SLC38A8: variants seen among roughly 807,000 people sequenced by gnomAD.
SLC38A8 encodes amino acid transporter SLC38A8.
A neutral mutation model predicts 46.0 loss-of-function variants in SLC38A8; 65 were observed. The observed-to-expected ratio is 1.41, with a 90% CI of 1.16 to 1.74. The LOEUF (loss-of-function observed/expected upper bound fraction) is 1.74, where lower values mean the gene tolerates loss of function less well. SLC38A8 is among the 40% of genes most tolerant of loss of function. The probability of loss-of-function intolerance (pLI) is 0.00; values close to 1 mark genes in which losing one functional copy is unlikely to be tolerated. For missense variants in SLC38A8, 998 were observed against 567.9 expected, an observed-to-expected ratio of 1.76 and a Z score of -7.70; for synonymous variants, 447 against 243.7, an observed-to-expected ratio of 1.83 and a Z score of -7.77.
In SLC38A8 at chr16:84,009,858, C is replaced by T. The variant is rs587777256; in HGVS notation, c.1234G>A (p.Gly412Arg). The T allele has an allele frequency of 2.5e-6, 4 of 1,613,868 alleles. No homozygotes were observed. Among genetic ancestry groups the T allele is most frequent in the Non-Finnish European group, 3.4e-6 (4 of 1,179,986 alleles). ...PRVKCCLEVWGVVSVLVGTFI... is the reference protein window; with the variant it reads ...PRVKCCLEVWRVVSVLVGTFI... ...GTGCCGACCAGCACAGAGACCACTC[C>T]CCAGACCTCCAGGCAGCACCTGCCA... The change falls in exon 11 of 11, where the codon GGA becomes AGA. Residue 412 changes from glycine to arginine, a missense_variant. Gly to Arg is a moderately radical substitution (Grantham distance 125). Transcript: ENST00000299709.
intron 5 of SLC38A8, 56 bp downstream of exon 5, chr16:84,031,811 A>G (rs1394175401): frequency 4.8e-6 from 7 of 1,455,636 alleles, no homozygotes; most frequent in African/African-American, 1.4e-5. Flanking sequence ...CCCCTCACAG[A>G]CTCCCCTGCC....
chr16:84,021,814 G>A (rs898918913), intron 7 of SLC38A8, among the ~76,000 whole-genome samples: 2 of 152,234 alleles, frequency 1.3e-5, no homozygotes, highest in Non-Finnish European at 2.9e-5. Flanking sequence ...TATGGAGATT[G>A]AGAAGTCCAG....
intron 9 of SLC38A8, among the ~76,000 whole-genome samples, chr16:84,014,762 A>C (rs2085005062): frequency 6.6e-6 from 1 of 152,228 alleles, no homozygotes; most frequent in Admixed American, 6.5e-5. Context: ...ACTACATCAA[A>C]GACAACCCCT....
rs756822665 is a variant in SLC38A8 at position 84,016,556 on chromosome 16, G to C, written c.1125C>G (p.Ile375Met). The change falls in exon 9 of 11, where the codon ATC (isoleucine) becomes ATG (methionine). Residue 375 changes from isoleucine (I) to methionine (M), a missense_variant. Physicochemically the swap from Ile to Met is conservative, Grantham distance 10. Transcript: ENST00000299709. ...MPDLSEIVSI[I>M]GGISSFFIFI... The stretch of plus-strand genomic sequence containing the variant: ...AGATGAAGAAGGAACTGATGCCTCC[G>C]ATGATGCTGACGATCTCGCTGAGGT... The C allele has an allele frequency of 6.2e-7, 1 of 1,614,100 alleles. No homozygotes were observed.
intron 7 of SLC38A8, among the ~76,000 whole-genome samples, chr16:84,020,096 G>A (rs776259591): frequency 6.6e-6 from 1 of 152,032 alleles, no homozygotes; most frequent in African/African-American, 2.4e-5. Flanking sequence ...TGCCCTGGCA[G>A]AGACTCTCTG....
rs76967104 is a variant in SLC38A8 at position 84,031,659 on chromosome 16, C to G, written c.632+208G>C. 5.9e-5 allele frequency among the ~76,000 whole-genome samples: 9 copies of G among 152,354 alleles called. No individual in the cohort carries two copies. In the East Asian group the frequency reaches 1.7e-3, roughly 29 times the overall value. On this transcript the variant is annotated intron_variant, in intron 5 of 10. Coordinates refer to ENST00000299709, the MANE Select transcript of SLC38A8 (RefSeq NM_001080442.3). ...CGGTTCTGCGTCCCTTGGCCTGTCC[C>G]GGTCATCGCTAGCCACGGCCAGGTC...
chr16:84,023,663 G>A (rs925798612), intron 6 of SLC38A8, among the ~76,000 whole-genome samples: 4 of 152,164 alleles, frequency 2.6e-5, no homozygotes, highest in Admixed American at 6.5e-5. Context: ...GGAGGCCGAA[G>A]GGGGCAGATC....
chr16:84,022,819 G>C lies in SLC38A8; in HGVS notation c.761C>G (p.Ser254Cys), dbSNP rs2085110526. 8 of 1,613,818 alleles carry C rather than the reference G, an allele frequency of 5.0e-6. No homozygotes were observed. The highest frequency in any genetic ancestry group is 6.8e-6 in the Non-Finnish European group (8 of 1,179,938). ...GCAGCAGGCCAGCAAGGACAGCACA[G>C]ACACCAGGGCCCAGTGGGAGAGGCT... ...KRSLSHWALVSVLSLLACCLI... is the reference protein window; with the variant it reads ...KRSLSHWALVCVLSLLACCLI... The change falls in exon 7 of 11, where the codon TCT becomes TGT. Residue 254 changes from serine to cysteine, a missense_variant. Ser to Cys is a moderately radical substitution (Grantham distance 112). Transcript: ENST00000299709.
intron 5 of SLC38A8, 45 bp from the exon 6 acceptor site, chr16:84,029,596 C>T: frequency 6.3e-7 from 1 of 1,586,928 alleles, no homozygotes; most frequent in Non-Finnish European, 8.6e-7. Flanking sequence ...AGGGTCACAC[C>T]CGGAACAACC....
At position 84,024,392 on chromosome 16, in the gene SLC38A8, T is replaced by C. The variant is rs1597261834; in HGVS notation, c.691-1503A>G. On this transcript the variant is annotated intron_variant, in intron 6 of 10. Transcript: ENST00000299709. ...TGACTTCTTACTACATTGCCCAGGCTGGTCTCAAACTCCTGAGTTCAAGCG... is the reference window on the plus strand; with the variant it reads ...TGACTTCTTACTACATTGCCCAGGCCGGTCTCAAACTCCTGAGTTCAAGCG... 2.0e-5 allele frequency among the ~76,000 whole-genome samples: 3 copies of C among 152,172 alleles called. No homozygotes were observed. In the Middle Eastern group the frequency reaches 0.01, roughly 518 times the overall value.
intron 10 of SLC38A8, among the ~76,000 whole-genome samples, chr16:84,011,046 G>T (rs2084947009): frequency 6.6e-6 from 1 of 152,138 alleles, no homozygotes; most frequent in Non-Finnish European, 1.5e-5. Flanking sequence ...GATATTTGTG[G>T]CCCCATTAAC....
At chr16:84,013,207 G>A (rs2084975067) in intron 9 of SLC38A8, among the ~76,000 whole-genome samples, 155 bp from the exon 10 acceptor site, 1 of 152,218 alleles carries the variant, frequency 6.6e-6, no homozygotes, top group Non-Finnish European at 1.5e-5. Flanking sequence ...ACACAGTGGA[G>A]CTGGAAGGAC....
Position 84,017,132 on chromosome 16 carries a change from G to T in SLC38A8, c.953+8C>A. 6.2e-7 allele frequency: 1 copy of T among 1,613,892 alleles called. No individual in the cohort carries two copies. Among genetic ancestry groups the T allele is most frequent in the Non-Finnish European group, 8.5e-7 (1 of 1,179,958 alleles). On this transcript the variant is annotated splice_region_variant and intron_variant, in intron 8 of 10. Coordinates refer to ENST00000299709, the MANE Select transcript of SLC38A8 (RefSeq NM_001080442.3). ...CTTCACGGTGCCCCCCACTGAGCCA[G>T]GCCTCACCTCCCCAGGAAGAGCACG... is the stretch of plus-strand genomic sequence containing the variant.
intron 2 of SLC38A8, among the ~76,000 whole-genome samples, chr16:84,039,138 GA>G (rs1402079522): frequency 1.3e-5 from 2 of 152,156 alleles, no homozygotes; most frequent in Non-Finnish European, 2.9e-5. Context: ...ATAAACCCAA[GA>G]AGCACCTGGA....
At chr16:84,025,318 G>A (rs1043202606) in intron 6 of SLC38A8, among the ~76,000 whole-genome samples, 1 of 152,158 alleles carries the variant, frequency 6.6e-6, no homozygotes, top group Admixed American at 6.5e-5. Context: ...GCTCAGATCA[G>A]CTAGGTCTTC....
In SLC38A8 at chr16:84,036,703, C is replaced by T. The variant is rs372923783; in HGVS notation, c.387G>A (p.Lys129=). Residue 129 remains lysine, a splice_region_variant and synonymous_variant, in exon 3 of 11, where the codon AAG becomes AAA. Transcript: ENST00000299709. ...FLRVIGDQLE[K]LCDSLLSGTP... is the part of the protein sequence containing the mutation. ...CCCGAGTCCCATGAAGGTACTTACG[C>T]TTCTCCAGCTGGTCCCCGATCACCC... The T allele has an allele frequency of 5.4e-5, 87 of 1,614,022 alleles. No homozygotes were observed. In the Admixed American group the frequency reaches 5.5e-4, roughly 10 times the overall value.
At chr16:84,040,721 G>C (rs895260574) in intron 2 of SLC38A8, among the ~76,000 whole-genome samples, 2 of 152,176 alleles carry the variant, frequency 1.3e-5, no homozygotes, top group South Asian at 2.1e-4. Flanking sequence ...CAGCGCAAAG[G>C]TCACCTCCTC....
chr16:84,038,244 G>C (rs555616363), intron 2 of SLC38A8, among the ~76,000 whole-genome samples: 14 of 152,070 alleles, frequency 9.2e-5, no homozygotes, highest in Non-Finnish European at 1.5e-4. Context: ...CCAAGAGGCG[G>C]AAGTTGCAGT....
chr16:84,024,508 C>T (rs181816706), intron 6 of SLC38A8, among the ~76,000 whole-genome samples: 760 of 151,638 alleles, frequency 5.0e-3, no homozygotes, highest in Non-Finnish European at 8.4e-3. Flanking sequence ...CAGGAGGGAG[C>T]GGTGGCTCAC....
Sources: allele counts gnomAD v4.1 joint callset (sites outside exome capture counted in the v4.1 genomes callset), GRCh38; gene constraint gnomAD v4.1.1; transcripts MANE v1.5; gene names NCBI Gene and HGNC (gene_info 2026-07-23, HGNC 2026-07-21).